The following KAZN variants were observed in gnomAD, a reference collection of about 807,000 sequenced individuals.
KAZN encodes kazrin, periplakin interacting protein.
In KAZN, 40 loss-of-function variants were observed where a neutral mutation model predicts 87.4. That is an observed-to-expected ratio of 0.46 (90% CI 0.36 to 0.60). The LOEUF (loss-of-function observed/expected upper bound fraction) is 0.60. Among genes scored for constraint, KAZN ranks in the 20% least tolerant of loss-of-function variants. The pLI is 0.00. For synonymous variants in KAZN, 466 were observed against 458.3 expected (o/e 1.02, Z -0.22); for missense variants, 898 against 1,073.9 (o/e 0.84, Z 2.29).
intron 1 of KAZN, among the ~76,000 whole-genome samples, chr1:14,041,307 A>C (rs1204351055): frequency 6.6e-6 from 1 of 152,226 alleles, no homozygotes; most frequent in African/African-American, 2.4e-5. Context: ...CATTATTATG[A>C]CTATGCAGAT....
rs936812784 is a variant in KAZN, at chr1:15,066,387, G to T, written c.1222+634G>T. On this transcript the variant is annotated intron_variant, in intron 8 of 14. Transcript: ENST00000376030. The surrounding 1 kb of genome is among the most constrained non-coding windows in gnomAD (Gnocchi z 4.3). The stretch of plus-strand genomic sequence containing the variant: ...GGACCAGACCCTGTCCTGGGGGTGC[G>T]CCCAAGTCACTTTAACCACAAAACG... 6.1e-6 allele frequency: 6 copies of T among 984,278 alleles called. No individual in the cohort carries two copies. Among genetic ancestry groups the T allele is most frequent in the Non-Finnish European group, 7.2e-6 (6 of 829,824 alleles). 61.0% of individuals were successfully genotyped at this position (984,278 alleles called of 1,614,324 possible).
intron 1 of KAZN, among the ~76,000 whole-genome samples, chr1:14,710,271 A>C (rs1000916560): frequency 6.6e-6 from 1 of 151,852 alleles, no homozygotes; most frequent in Non-Finnish European, 1.5e-5. Context: ...GCCACCATCA[A>C]CCCTCTCCTG....
chr1:15,070,182 G>T (rs554403609), intron 8 of KAZN, among the ~76,000 whole-genome samples: 3 of 152,328 alleles, frequency 2.0e-5, no homozygotes, highest in East Asian at 3.9e-4. Context: ...CTTCTCCCAG[G>T]GGGGCATCTT....
Position 14,990,083 on chromosome 1 carries a change from C to T in KAZN, c.418+29208C>T, listed in dbSNP as rs535353245. Among the ~76,000 whole-genome samples, 20 of 152,260 alleles carry T rather than the reference C, an allele frequency of 1.3e-4. 1 individual carries two copies. Among genetic ancestry groups the T allele is most frequent in the Middle Eastern group, 6.8e-3 (2 of 294 alleles). On this transcript the variant is annotated intron_variant, in intron 2 of 14. Transcript: ENST00000376030. ...CAGTAACCTGCTCAAAGCCACACAGCCGCTAATCCAGATGCAGGCCTGTCT... is the reference window on the plus strand; with the variant it reads ...CAGTAACCTGCTCAAAGCCACACAGTCGCTAATCCAGATGCAGGCCTGTCT...
At chr1:14,469,174 G>A (rs1211046304) in intron 2 of KAZN, among the ~76,000 whole-genome samples, 1 of 152,158 alleles carries the variant, frequency 6.6e-6, no homozygotes, top group Non-Finnish European at 1.5e-5. Flanking sequence ...CATAAAAAAG[G>A]TGGGGTGCTA....
intron 1 of KAZN, among the ~76,000 whole-genome samples, chr1:14,827,117 G>A (rs1325177953): frequency 1.3e-5 from 2 of 152,172 alleles, no homozygotes; most frequent in Non-Finnish European, 2.9e-5. Context: ...AAAAGAGAGG[G>A]ATGGGCCCAG....
chr1:14,381,045 G>A (rs1171002342), intron 2 of KAZN, among the ~76,000 whole-genome samples: 1 of 152,192 alleles, frequency 6.6e-6, no homozygotes. Context: ...CTGAGGCAGA[G>A]GAGTCTCATC....
chr1:15,071,843 G>A lies in KAZN; in HGVS notation c.1222+6090G>A, dbSNP rs548079630. On this transcript the variant is annotated intron_variant, in intron 8 of 14. Transcript: ENST00000376030. Reference sequence around the variant, plus strand: ...TCTGGATCACAGAAAACACTGGCTGGTAGCTTGTTTGCATTTCTGAGTTTT... The same window carrying A: ...TCTGGATCACAGAAAACACTGGCTGATAGCTTGTTTGCATTTCTGAGTTTT... 3.9e-5 allele frequency among the ~76,000 whole-genome samples: 6 copies of A among 152,316 alleles called. No homozygotes were observed. In the East Asian group the frequency reaches 1.2e-3, roughly 29 times the overall value.
At chr1:14,554,954 T>A (rs149969586) in intron 2 of KAZN, among the ~76,000 whole-genome samples, 68 of 152,280 alleles carry the variant, frequency 4.5e-4, no homozygotes, top group Non-Finnish European at 8.5e-4. Flanking sequence ...CCACAACCAT[T>A]CCTGTTCCCG....
At chr1:14,811,981 CA>C (rs1646424871) in intron 1 of KAZN, among the ~76,000 whole-genome samples, 1 of 152,278 alleles carries the variant, frequency 6.6e-6, no homozygotes, top group African/African-American at 2.4e-5. Context: ...CTGCCCTCTG[CA>C]GATGGTGATC....
At chr1:14,078,215 C>T (rs573476743) in intron 1 of KAZN, among the ~76,000 whole-genome samples, 1 of 152,182 alleles carries the variant, frequency 6.6e-6, no homozygotes. Context: ...TCTTGCCACT[C>T]CCCAACCTCT....
In KAZN at chr1:14,564,588, G is replaced by A. The variant is rs534767557; in HGVS notation, c.250-34395G>A. Among the ~76,000 whole-genome samples, 6 of 151,588 alleles carry A rather than the reference G, an allele frequency of 4.0e-5. No individual in the cohort carries two copies. In the East Asian group the frequency reaches 1.2e-3, roughly 30 times the overall value. ...TAGGAGGCCGAGGTGCGTGGATCAC[G>A]AGGTCAAGAGTTCAAGACCAGCCTG... On this transcript the variant is annotated intron_variant, in intron 2 of 16. Transcript: ENST00000636203.
upstream of KAZN, among the ~76,000 whole-genome samples, chr1:14,595,523 C>T (rs1238759274): frequency 6.7e-6 from 1 of 149,346 alleles, no homozygotes; most frequent in Admixed American, 6.7e-5. Flanking sequence ...ACTAAAAATA[C>T]AAAAAAAAAT....
Position 14,702,326 on chromosome 1 carries a change from CTGTGTGTGTGTGTGTGTGTGTGTGTG to C in KAZN, c.226+103118_226+103143del, listed in dbSNP as rs3222186. Among the ~76,000 whole-genome samples the C allele has an allele frequency of 3.0e-5, 4 of 133,368 alleles. 1 individual carries two copies. The South Asian group carries it at 8.4e-4, about 28-fold the overall frequency. The allele number at this position is 133,368 out of a possible 152,430, so 87.5% of individuals were successfully genotyped here. A position where few individuals can be genotyped will look rare whatever the true frequency, so the allele number is the denominator to read the frequency against. On this transcript the variant is annotated intron_variant, in intron 1 of 14. Transcript: ENST00000376030. ...GGAAAATGCTGATATTTTTGCAAAACTGTGTGTGTGTGTGTGTGTGTGTGTGTGTGTGTGTGTGTGGATTTCTCTGT... is the reference window on the plus strand; with the variant it reads ...GGAAAATGCTGATATTTTTGCAAAACTGTGTGTGTGTGTGGATTTCTCTGT...
chr1:14,418,032 A>C (rs1664963374), intron 2 of KAZN, among the ~76,000 whole-genome samples: 2 of 131,820 alleles, frequency 1.5e-5, no homozygotes, highest in Admixed American at 7.4e-5. Context: ...AAAAAAAAAA[A>C]AAAAAAAAAA....
At chr1:14,212,083 C>T (rs1646864816) in intron 2 of KAZN, among the ~76,000 whole-genome samples, 1 of 152,180 alleles carries the variant, frequency 6.6e-6, no homozygotes, top group South Asian at 2.1e-4. Context: ...GGCTTTCACT[C>T]CTTCCATTGA....
chr1:14,953,600 ATATAG>A (rs1461736635), intron 1 of KAZN, among the ~76,000 whole-genome samples: 2 of 152,244 alleles, frequency 1.3e-5, no homozygotes. Context: ...AGCTTAGAAC[ATATAG>A]TATGTGCTCA....
At chr1:15,111,577 C>A (rs1246135096) in intron 13 of KAZN, among the ~76,000 whole-genome samples, 2 of 152,240 alleles carry the variant, frequency 1.3e-5, no homozygotes, top group Non-Finnish European at 2.9e-5. Flanking sequence ...CATGCCCGGC[C>A]TAGAAGTTTC....
At chr1:14,817,687 A>G (rs1434024132) in intron 1 of KAZN, among the ~76,000 whole-genome samples, 2 of 152,122 alleles carry the variant, frequency 1.3e-5, no homozygotes, top group African/African-American at 4.8e-5. Context: ...AAGTACATAT[A>G]ACAGCCTCCC....
Sources: allele counts gnomAD v4.1 joint callset (sites outside exome capture counted in the v4.1 genomes callset), GRCh38; gene constraint gnomAD v4.1.1; non-coding constraint Gnocchi (gnomAD v3.1); transcripts MANE v1.5; gene names NCBI Gene and HGNC (gene_info 2026-07-23, HGNC 2026-07-21).